The following CCDC178 variants were observed in gnomAD, a reference collection of about 807,000 sequenced individuals.
The protein encoded by CCDC178 is coiled-coil domain containing 178.
In CCDC178, 126 loss-of-function variants were observed where a neutral mutation model predicts 117.4. The ratio of observed to expected loss-of-function variants is 1.07; its 90% CI spans 0.93 to 1.24. CCDC178 has a LOEUF of 1.24. Ranked by LOEUF, CCDC178 falls within the 50% of genes most tolerant of loss-of-function variation. The probability of loss-of-function intolerance (pLI) is 0.00; values close to 1 mark genes in which losing one functional copy is unlikely to be tolerated. For synonymous variants in CCDC178, 283 were observed against 313.4 expected, an observed-to-expected ratio of 0.90 and a Z score of 1.02; for missense variants, 1,030 against 986.9, an observed-to-expected ratio of 1.04 and a Z score of -0.59.
intron 15 of CCDC178, among the ~76,000 whole-genome samples, chr18:33,241,834 C>G (rs2059491456): frequency 6.6e-6 from 1 of 151,444 alleles, no homozygotes; most frequent in African/African-American, 2.4e-5. Flanking sequence ...AGTATGTTAA[C>G]CATACTATTC....
At chr18:33,413,431 C>T (rs1808858098) in intron 2 of CCDC178, among the ~76,000 whole-genome samples, 2 of 151,578 alleles carry the variant, frequency 1.3e-5, no homozygotes, top group Admixed American at 1.3e-4. Context: ...ATAGTTAAAA[C>T]ATATAATTTT....
At chr18:33,377,646 A>G (rs1382765118) in intron 5 of CCDC178, among the ~76,000 whole-genome samples, 1 of 152,174 alleles carries the variant, frequency 6.6e-6, no homozygotes, top group Non-Finnish European at 1.5e-5. Context: ...GGAGGGGTCC[A>G]ATTTCAATCT....
chr18:33,438,982 C>T (rs145612930), intron 2 of CCDC178, among the ~76,000 whole-genome samples: 1 of 152,204 alleles, frequency 6.6e-6, no homozygotes, highest in Non-Finnish European at 1.5e-5. Flanking sequence ...TGTTTTCCCA[C>T]TCCATCCACA....
intron 7 of CCDC178, among the ~76,000 whole-genome samples, chr18:33,350,248 C>T (rs1308089120): frequency 1.3e-5 from 2 of 151,896 alleles, no homozygotes; most frequent in East Asian, 3.8e-4. Context: ...ATTCTTGGAC[C>T]AGTAAAATTC....
intron 20 of CCDC178, among the ~76,000 whole-genome samples, chr18:33,096,326 A>AAAATATAAAATTTTTATATTTTATAT (rs2057543121): frequency 9.5e-6 from 1 of 105,282 alleles, no homozygotes; most frequent in East Asian, 2.5e-4. Flanking sequence ...TATTTTATAT[A>AAAATATAAAATTTTTATATTTTATAT]AAAATATAAA....
At chr18:33,065,187 A>G (rs1321256913) in intron 21 of CCDC178, among the ~76,000 whole-genome samples, 1 of 152,136 alleles carries the variant, frequency 6.6e-6, no homozygotes, top group African/African-American at 2.4e-5. Flanking sequence ...GTTCTATTGC[A>G]CAGTAGGGTG....
At chr18:33,181,351 C>G (rs911138731) in intron 20 of CCDC178, among the ~76,000 whole-genome samples, 3 of 151,860 alleles carry the variant, frequency 2.0e-5, no homozygotes, top group African/African-American at 7.2e-5. Flanking sequence ...TACTGCCATT[C>G]TTATACTAAC....
intron 15 of CCDC178, among the ~76,000 whole-genome samples, chr18:33,240,309 C>T (rs1343244550): frequency 6.6e-6 from 1 of 151,512 alleles, no homozygotes; most frequent in Non-Finnish European, 1.5e-5. Context: ...ATGTAATGAT[C>T]TCAAGGAACT....
rs564834894 is a variant in CCDC178 at position 33,080,637 on chromosome 18, A to G, written c.2388+12124T>C. 3.3e-5 allele frequency among the ~76,000 whole-genome samples: 5 copies of G among 152,252 alleles called. No homozygotes were observed. In the South Asian group the frequency reaches 1.0e-3, roughly 32 times the overall value. On this transcript the variant is annotated intron_variant, in intron 21 of 22. Transcript: ENST00000383096. ...TAAATTTCTCTTGTTTAAACCACTCAGTCTGTGGTACTTTGTTAGGGCAGC... is the reference window on the plus strand; with the variant it reads ...TAAATTTCTCTTGTTTAAACCACTCGGTCTGTGGTACTTTGTTAGGGCAGC...
In CCDC178 at chr18:32,967,489, T is replaced by A. The variant is rs190265142; in HGVS notation, c.2523+7058A>T. Among the ~76,000 whole-genome samples, 661 of 151,656 alleles carry A rather than the reference T, an allele frequency of 4.4e-3. 6 individuals carry two copies. Among genetic ancestry groups the A allele is most frequent in the African/African-American group, 0.015 (639 of 41,474 alleles). ...CTCTCTCTCATTTTAAAATTGAAAT[T>A]CTTTATTCTTTTTTTTTTCCAGGAT... On this transcript the variant is annotated intron_variant, in intron 22 of 22. Transcript: ENST00000383096.
chr18:33,106,002 A>T (rs1235517598), intron 20 of CCDC178, among the ~76,000 whole-genome samples: 1 of 151,766 alleles, frequency 6.6e-6, no homozygotes, highest in Non-Finnish European at 1.5e-5. Flanking sequence ...ATAAGAATAC[A>T]AATGCAGCAT....
chr18:33,072,754 T>C (rs2057131448), intron 21 of CCDC178, among the ~76,000 whole-genome samples: 2 of 152,180 alleles, frequency 1.3e-5, no homozygotes, highest in South Asian at 4.1e-4. Flanking sequence ...TCTGCAGGTT[T>C]CACTTTTTCC....
intron 20 of CCDC178, among the ~76,000 whole-genome samples, chr18:33,098,585 C>A (rs1276819570): frequency 6.6e-6 from 1 of 152,050 alleles, no homozygotes; most frequent in Non-Finnish European, 1.5e-5. Flanking sequence ...CTTGCTACCA[C>A]ATCCATATTC....
chr18:33,199,612 T>C (rs1201702078), intron 20 of CCDC178, among the ~76,000 whole-genome samples: 1 of 152,314 alleles, frequency 6.6e-6, no homozygotes, highest in South Asian at 2.1e-4. Flanking sequence ...TTCAAACTCC[T>C]ATACTTCGTT....
At chr18:33,004,630 A>G (rs1016853984) in intron 21 of CCDC178, among the ~76,000 whole-genome samples, 1 of 152,156 alleles carries the variant, frequency 6.6e-6, no homozygotes, top group Admixed American at 6.6e-5. Context: ...GGTCGCATAA[A>G]GTTAAAAAGC....
chr18:33,090,057 G>C (rs462998), intron 21 of CCDC178, among the ~76,000 whole-genome samples: 14,334 of 152,062 alleles, frequency 0.094, 966 homozygotes, highest in African/African-American at 0.19. Flanking sequence ...TAAAAGTACA[G>C]GAAAGTATCA....
chr18:33,273,408 T>C (rs1317282524), intron 12 of CCDC178, among the ~76,000 whole-genome samples: 1 of 151,590 alleles, frequency 6.6e-6, no homozygotes, highest in Non-Finnish European at 1.5e-5. Flanking sequence ...TGAAAATATA[T>C]CTGTAACCAT....
At chr18:33,087,728 A>T (rs1365462396) in intron 21 of CCDC178, among the ~76,000 whole-genome samples, 3 of 152,156 alleles carry the variant, frequency 2.0e-5, no homozygotes, top group Non-Finnish European at 4.4e-5. Context: ...ATTTCTATCT[A>T]CATTAAACAA....
rs71159827 is a variant in CCDC178, at chr18:33,379,100, T to TATATATATATTTCCATATATATATA, written c.209-8936_209-8912dup. On this transcript the variant is annotated intron_variant, in intron 5 of 22. Transcript: ENST00000383096. ...TTTTTCTTTTTATTTCTTTGCCGTA[T>TATATATATATTTCCATATATATATA]ATATATATATTTCCATATATATATA... is the stretch of plus-strand genomic sequence containing the variant. 8.8e-3 allele frequency among the ~76,000 whole-genome samples: 1,107 copies of TATATATATATTTCCATATATATATA among 125,152 alleles called. 17 individuals are homozygous for TATATATATATTTCCATATATATATA. Among genetic ancestry groups the TATATATATATTTCCATATATATATA allele is most frequent in the African/African-American group, 0.032 (1,011 of 31,706 alleles). 82.1% of individuals were successfully genotyped at this position (125,152 alleles called of 152,430 possible).
Sources: allele counts gnomAD v4.1 joint callset (sites outside exome capture counted in the v4.1 genomes callset), GRCh38; gene constraint gnomAD v4.1.1; transcripts MANE v1.5; gene names NCBI Gene and HGNC (gene_info 2026-07-23, HGNC 2026-07-21).